Variants in CTNNA3 observed in about 807,000 individuals in gnomAD.
CTNNA3 encodes catenin alpha-3.
In CTNNA3, 76 loss-of-function variants were observed where a neutral mutation model predicts 95.7. That is an observed-to-expected ratio of 0.79 (90% confidence interval 0.66 to 0.96). The LOEUF (loss-of-function observed/expected upper bound fraction) is 0.96. CTNNA3 is among the 40% of genes least tolerant of loss of function. The probability of loss-of-function intolerance (pLI) is 0.00; values close to 1 mark genes in which losing one functional copy is unlikely to be tolerated. For synonymous variants in CTNNA3, 431 were observed against 374.4 expected (o/e 1.15, Z -1.74); for missense variants, 1,191 against 1,089.8 (o/e 1.09, Z -1.31).
At chr10:67,526,488 T>C (rs544267060) in intron 4 of CTNNA3, among the ~76,000 whole-genome samples, 1 of 152,320 alleles carries the variant, frequency 6.6e-6, no homozygotes, top group Admixed American at 6.5e-5. Flanking sequence ...GTTCAAGTCC[T>C]TGCTATGCCA....
At chr10:67,231,032 C>G (rs907985917) in intron 5 of CTNNA3, among the ~76,000 whole-genome samples, 1 of 152,162 alleles carries the variant, frequency 6.6e-6, no homozygotes, top group Admixed American at 6.5e-5. Flanking sequence ...CTACGCCCAC[C>G]GAGTCTCGCT....
Position 66,089,709 on chromosome 10 carries a change from C to T in CTNNA3, c.1977+13448G>A, listed in dbSNP as rs185958493. Among the ~76,000 whole-genome samples, 385 of 151,456 alleles carry T rather than the reference C, an allele frequency of 2.5e-3. 5 individuals are homozygous for T. Among genetic ancestry groups the T allele is most frequent in the African/African-American group, 9.0e-3 (373 of 41,348 alleles). ...TGCATTATTTCTAATTATAATATTA[C>T]AAGGTAGGTATTCTCTGAGTTGAAA... On this transcript the variant is annotated intron_variant, in intron 14 of 17. Coordinates refer to ENST00000433211, the MANE Select transcript of CTNNA3 (RefSeq NM_013266.4).
intron 15 of CTNNA3, among the ~76,000 whole-genome samples, chr10:66,035,875 A>T (rs1204843464): frequency 6.6e-6 from 1 of 152,170 alleles, no homozygotes; most frequent in Non-Finnish European, 1.5e-5. Context: ...CTTAAAAACT[A>T]TCAACAGAAG....
chr10:66,073,146 T>C (rs111750368), intron 14 of CTNNA3, among the ~76,000 whole-genome samples: 79 of 152,138 alleles, frequency 5.2e-4, no homozygotes, highest in African/African-American at 1.9e-3. Context: ...TTTGAGAAGA[T>C]GTTGGTCAGA....
At chr10:67,160,092 A>G (rs1241626805) in intron 7 of CTNNA3, among the ~76,000 whole-genome samples, 1 of 152,186 alleles carries the variant, frequency 6.6e-6, no homozygotes, top group African/African-American at 2.4e-5. Context: ...AAGAGAAAAA[A>G]TACAGATACT....
chr10:66,245,411 C>A (rs1468746588), intron 13 of CTNNA3, among the ~76,000 whole-genome samples: 1 of 152,172 alleles, frequency 6.6e-6, no homozygotes, highest in African/African-American at 2.4e-5. Context: ...ACATGGCAAA[C>A]AAGGGACATG....
At chr10:67,181,476 CT>C (rs1238764772) in intron 6 of CTNNA3, among the ~76,000 whole-genome samples, 2 of 152,100 alleles carry the variant, frequency 1.3e-5, no homozygotes, top group African/African-American at 4.8e-5. Flanking sequence ...AATAAAAGCT[CT>C]CTGAAGAACC....
chr10:67,753,495 C>G (rs1024121045), intron 1 of CTNNA3, among the ~76,000 whole-genome samples: 1 of 152,104 alleles, frequency 6.6e-6, no homozygotes, highest in Non-Finnish European at 1.5e-5. Context: ...AGCTTCTGCA[C>G]AGCAAAAGAA....
chr10:67,711,556 T>C (rs1013393016), intron 1 of CTNNA3, among the ~76,000 whole-genome samples: 3 of 148,472 alleles, frequency 2.0e-5, no homozygotes, highest in Non-Finnish European at 3.0e-5. Flanking sequence ...ATTTAGGGTA[T>C]CTGGCAGAAG....
intron 5 of CTNNA3, among the ~76,000 whole-genome samples, chr10:67,427,691 T>C (rs1191542646): frequency 1.3e-5 from 2 of 152,006 alleles, no homozygotes; most frequent in East Asian, 3.9e-4. Flanking sequence ...TTTTTATAAA[T>C]CAATAAAATG....
At chr10:66,219,407 T>A (rs2088777096) in intron 13 of CTNNA3, among the ~76,000 whole-genome samples, 1 of 152,186 alleles carries the variant, frequency 6.6e-6, no homozygotes, top group Non-Finnish European at 1.5e-5. Context: ...GATCAGTCTA[T>A]GTGACCAATA....
intron 17 of CTNNA3, among the ~76,000 whole-genome samples, chr10:65,921,332 T>A (rs976455068): frequency 6.6e-6 from 1 of 152,230 alleles, no homozygotes; most frequent in African/African-American, 2.4e-5. Flanking sequence ...TAAATACCTA[T>A]AAATCCTTGA....
At chr10:66,930,737 C>A (rs1468688436) in intron 7 of CTNNA3, among the ~76,000 whole-genome samples, 1 of 152,032 alleles carries the variant, frequency 6.6e-6, no homozygotes, top group Admixed American at 6.5e-5. Context: ...TATGATATAA[C>A]ACTAAATGAA....
At chr10:65,957,120 T>C (rs528425842) in intron 17 of CTNNA3, among the ~76,000 whole-genome samples, 1 of 152,346 alleles carries the variant, frequency 6.6e-6, no homozygotes, top group South Asian at 2.1e-4. Context: ...TCTTGTTGAA[T>C]TGATCCCTTT....
At chr10:66,868,956 T>G (rs1844293819) in intron 7 of CTNNA3, among the ~76,000 whole-genome samples, 1 of 151,990 alleles carries the variant, frequency 6.6e-6, no homozygotes, top group Non-Finnish European at 1.5e-5. Context: ...TGAAACACCA[T>G]GGGCCTTAAA....
intron 5 of CTNNA3, among the ~76,000 whole-genome samples, chr10:67,400,094 C>A (rs1193489930): frequency 6.7e-6 from 1 of 149,922 alleles, no homozygotes; most frequent in South Asian, 2.2e-4. Context: ...CAACAGTCCC[C>A]GGTGTGTGAT....
chr10:66,761,191 T>C (rs1839584151), intron 9 of CTNNA3, among the ~76,000 whole-genome samples: 1 of 152,132 alleles, frequency 6.6e-6, no homozygotes, highest in Non-Finnish European at 1.5e-5. Context: ...TCTAAAGCCT[T>C]CTGTCTTGGC....
intron 7 of CTNNA3, among the ~76,000 whole-genome samples, chr10:66,980,870 C>T (rs1850388241): frequency 6.6e-6 from 1 of 152,084 alleles, no homozygotes; most frequent in Non-Finnish European, 1.5e-5. Flanking sequence ...ACACATTGAT[C>T]ACTTCAAGCA....
chr10:66,249,176 G>T (rs928745106), intron 13 of CTNNA3, among the ~76,000 whole-genome samples: 1 of 152,014 alleles, frequency 6.6e-6, no homozygotes, highest in Non-Finnish European at 1.5e-5. Flanking sequence ...ACTACTAAAA[G>T]AAAACATCGG....
Sources: allele counts gnomAD v4.1 joint callset (sites outside exome capture counted in the v4.1 genomes callset), GRCh38; gene constraint gnomAD v4.1.1; transcripts MANE v1.5; gene names NCBI Gene and HGNC (gene_info 2026-07-23, HGNC 2026-07-21).